The following PLCZ1 variants were observed in gnomAD, a reference collection of about 807,000 sequenced individuals.
PLCZ1 encodes 1-phosphatidylinositol 4,5-bisphosphate phosphodiesterase zeta-1.
In PLCZ1, 64 loss-of-function variants were observed where a neutral mutation model predicts 76.8. That is an observed-to-expected ratio of 0.83 (90% confidence interval 0.68 to 1.03). The LOEUF is 1.03. Ranked by LOEUF, PLCZ1 falls within the 50% of genes least tolerant of loss-of-function variation. The pLI is 0.00. For synonymous variants in PLCZ1, 248 were observed against 230.8 expected (o/e 1.07, Z -0.68); for missense variants, 751 against 713.7 (o/e 1.05, Z -0.60).
chr12:18,661,163 A>C, the PLCZ1 span, among the ~76,000 whole-genome samples: 17 of 152,156 alleles, frequency 1.1e-4, no homozygotes, highest in Non-Finnish European at 5.9e-5. Flanking sequence ...AACCTGTAGG[A>C]TATTATGAAG....
chr12:18,733,631 T>C (rs1307069536), intron 3 of PLCZ1, among the ~76,000 whole-genome samples: 1 of 152,152 alleles, frequency 6.6e-6, no homozygotes, highest in East Asian at 1.9e-4. Flanking sequence ...GGATTTTGAG[T>C]TGATTTTTGC....
At chr12:18,670,150 T>G in the PLCZ1 span, among the ~76,000 whole-genome samples, 6 of 152,056 alleles carry the variant, frequency 3.9e-5, no homozygotes, top group Admixed American at 1.3e-4. Context: ...ACAACAGATA[T>G]CAGATCATTA....
At chr12:18,664,555 C>T in the PLCZ1 span, among the ~76,000 whole-genome samples, 69 of 152,186 alleles carry the variant, frequency 4.5e-4, no homozygotes, top group Non-Finnish European at 8.8e-4. Flanking sequence ...ATATGAGATA[C>T]TTAAAGTGTT....
At chr12:18,723,594 A>T (rs1164048189) in intron 3 of PLCZ1, 52 bp from the exon 4 acceptor site, 1 of 1,321,412 alleles carries the variant, frequency 7.6e-7, no homozygotes, top group Admixed American at 1.7e-5. Context: ...AAAATACATA[A>T]AATGAATATT....
intron 7 of PLCZ1, 119 bp from the exon 8 acceptor site, chr12:18,701,895 A>T (rs974569171): frequency 1.7e-5 from 24 of 1,415,714 alleles, no homozygotes; most frequent in Non-Finnish European, 2.3e-5. Context: ...ATATGTAAGA[A>T]CTCCATTTTT....
chr12:18,698,996 C>T (rs1955513590), intron 10 of PLCZ1, among the ~76,000 whole-genome samples: 1 of 152,114 alleles, frequency 6.6e-6, no homozygotes. Flanking sequence ...TTGCTCATTC[C>T]CTTTTAAGTT....
intron 6 of PLCZ1, among the ~76,000 whole-genome samples, chr12:18,707,609 C>A (rs1157570557): frequency 6.6e-6 from 1 of 152,078 alleles, no homozygotes; most frequent in Non-Finnish European, 1.5e-5. Flanking sequence ...CAGTATAAGT[C>A]CCTTAAAACT....
chr12:18,705,772 A>C (rs1218587139), intron 6 of PLCZ1, among the ~76,000 whole-genome samples: 2 of 152,062 alleles, frequency 1.3e-5, no homozygotes, highest in African/African-American at 4.8e-5. Context: ...ACACTAAGGC[A>C]GGAGAATCAC....
At chr12:18,651,009 G>A in the PLCZ1 span, among the ~76,000 whole-genome samples, 2,876 of 151,856 alleles carry the variant, frequency 0.019, 37 homozygotes, top group Middle Eastern at 0.048. Flanking sequence ...AAACTCTGCA[G>A]GGGCTTCTAA....
At chr12:18,660,511 G>A in the PLCZ1 span, among the ~76,000 whole-genome samples, 2 of 152,030 alleles carry the variant, frequency 1.3e-5, no homozygotes, top group Admixed American at 1.3e-4. Context: ...TAAAGACTAG[G>A]ACATTAAATT....
chr12:18,698,604 T>C (rs1370787799), intron 10 of PLCZ1, among the ~76,000 whole-genome samples: 1 of 152,140 alleles, frequency 6.6e-6, no homozygotes, highest in Non-Finnish European at 1.5e-5. Context: ...CCTTCTGTGG[T>C]ATTTCTACAC....
intron 11 of PLCZ1, 67 bp downstream of exon 11, chr12:18,696,083 A>G (rs1421138045): frequency 1.1e-6 from 1 of 897,070 alleles, no homozygotes; most frequent in East Asian, 2.9e-5. Context: ...CGAGTTTTTC[A>G]TACATTCATA....
chr12:18,710,656 G>A (rs1420192170), intron 6 of PLCZ1, among the ~76,000 whole-genome samples: 2 of 152,068 alleles, frequency 1.3e-5, no homozygotes, highest in East Asian at 1.9e-4. Context: ...TTAAATGAGA[G>A]GTGATGTTGG....
chr12:18,720,184 A>G (rs893045244), intron 4 of PLCZ1, among the ~76,000 whole-genome samples: 1 of 152,072 alleles, frequency 6.6e-6, no homozygotes, highest in East Asian at 1.9e-4. Flanking sequence ...GCATGTAGTT[A>G]TAGTTATACA....
chr12:18,707,339 A>G (rs1342430411), intron 6 of PLCZ1, among the ~76,000 whole-genome samples: 7 of 152,196 alleles, frequency 4.6e-5, no homozygotes, highest in African/African-American at 1.4e-4. Flanking sequence ...TCCAAATATA[A>G]TAAGTAATTC....
chr12:18,725,527 G>A (rs1334411924), intron 3 of PLCZ1, among the ~76,000 whole-genome samples: 2 of 151,998 alleles, frequency 1.3e-5, no homozygotes, highest in East Asian at 3.9e-4. Context: ...CAGTATATAT[G>A]CAGAAATCAA....
At chr12:18,726,349 G>A (rs1454747774) in intron 3 of PLCZ1, among the ~76,000 whole-genome samples, 1 of 152,022 alleles carries the variant, frequency 6.6e-6, no homozygotes, top group African/African-American at 2.4e-5. Context: ...TCCTTAAGTG[G>A]TTATTCTTTG....
intron 10 of PLCZ1, 82 bp from the exon 11 acceptor site, chr12:18,696,348 A>ATATATATATATATC (rs10523511): frequency 4.7e-5 from 10 of 214,318 alleles, no homozygotes; most frequent in East Asian, 1.4e-4. Context: ...ATATATATAT[A>ATATATATATATATC]TATCATATAA....
At chr12:18,673,848 A>G in the PLCZ1 span, among the ~76,000 whole-genome samples, 1 of 152,200 alleles carries the variant, frequency 6.6e-6, no homozygotes, top group African/African-American at 2.4e-5. Context: ...GTTCCACAGA[A>G]GCTGCCCTGA....
Sources: allele counts gnomAD v4.1 joint callset (sites outside exome capture counted in the v4.1 genomes callset), GRCh38; gene constraint gnomAD v4.1.1; transcripts MANE v1.5; gene names NCBI Gene and HGNC (gene_info 2026-07-23, HGNC 2026-07-21).